The following CTIF variants were observed in gnomAD, a reference collection of about 807,000 sequenced individuals.
The protein encoded by CTIF is cap binding complex dependent translation initiation factor, also known as CBP80/20-dependent translation initiation factor.
In CTIF, 21 loss-of-function variants were observed where a neutral mutation model predicts 66.0. That is an observed-to-expected ratio of 0.32 (90% CI 0.23 to 0.46). The LOEUF (loss-of-function observed/expected upper bound fraction) is 0.46. Ranked by LOEUF, CTIF falls within the 20% of genes least tolerant of loss-of-function variation. The probability of loss-of-function intolerance (pLI) is 1.00; values close to 1 mark genes in which losing one functional copy is unlikely to be tolerated. For synonymous variants in CTIF, 345 were observed against 326.4 expected (o/e 1.06, Z -0.62); for missense variants, 739 against 812.7 (o/e 0.91, Z 1.10).
intron 7 of CTIF, among the ~76,000 whole-genome samples, chr18:48,748,605 A>C (rs887138768): frequency 5.9e-5 from 9 of 152,124 alleles, no homozygotes; most frequent in Admixed American, 3.9e-4. Flanking sequence ...AAGATAACAG[A>C]GGGGCAGAGA....
intron 3 of CTIF, among the ~76,000 whole-genome samples, chr18:48,637,365 A>G (rs569319103): frequency 1.3e-5 from 2 of 152,310 alleles, no homozygotes; most frequent in South Asian, 4.1e-4. Context: ...ATGGTGGTCC[A>G]GCTGTTCTCA....
intron 7 of CTIF, among the ~76,000 whole-genome samples, chr18:48,754,690 G>A (rs1354421991): frequency 2.6e-5 from 4 of 152,232 alleles, no homozygotes; most frequent in Non-Finnish European, 1.5e-5. Flanking sequence ...TCCCACCTAC[G>A]GATGGCTTTC....
intron 7 of CTIF, among the ~76,000 whole-genome samples, chr18:48,747,705 A>G (rs1184192246): frequency 1.3e-5 from 2 of 151,724 alleles, no homozygotes; most frequent in Admixed American, 1.3e-4. Flanking sequence ...CCAGGAGTTC[A>G]AGACCAGCAT....
chr18:48,646,447 TAAA>T (rs34735937), intron 3 of CTIF, among the ~76,000 whole-genome samples: 1 of 149,020 alleles, frequency 6.7e-6, no homozygotes, highest in African/African-American at 2.5e-5. Context: ...TTGGCAGCAT[TAAA>T]AAAAAAAAAG....
chr18:48,831,802 A>G (rs963819524), intron 10 of CTIF, among the ~76,000 whole-genome samples: 12 of 152,220 alleles, frequency 7.9e-5, no homozygotes, highest in African/African-American at 2.7e-4. Context: ...AAAAAGTACC[A>G]ATGAGATATT....
At chr18:48,815,334 T>A (rs554693289) in intron 9 of CTIF, among the ~76,000 whole-genome samples, 87 of 152,284 alleles carry the variant, frequency 5.7e-4, no homozygotes, top group African/African-American at 2.1e-3. Context: ...TGGCTCATAG[T>A]CATGGGCAAG....
intron 9 of CTIF, among the ~76,000 whole-genome samples, chr18:48,778,171 T>C (rs1367380948): frequency 1.3e-5 from 2 of 152,050 alleles, no homozygotes; most frequent in African/African-American, 4.8e-5. Context: ...AAAAAATGTC[T>C]GTGCACAGCA....
At chr18:48,579,035 G>C (rs377032708) in intron 1 of CTIF, among the ~76,000 whole-genome samples, 3 of 151,834 alleles carry the variant, frequency 2.0e-5, no homozygotes, top group South Asian at 2.1e-4. Context: ...TTGTGAGCTA[G>C]AGGTTCAGCT....
At chr18:48,820,420 C>G (rs934401929) in intron 10 of CTIF, among the ~76,000 whole-genome samples, 7 of 152,152 alleles carry the variant, frequency 4.6e-5, no homozygotes, top group Non-Finnish European at 1.0e-4. Context: ...AAAGCTTAGG[C>G]TTTCCCCCTG....
intron 1 of CTIF, among the ~76,000 whole-genome samples, chr18:48,549,180 G>C (rs1310022604): frequency 6.6e-6 from 1 of 152,158 alleles, no homozygotes. Context: ...GGAGGTGCTC[G>C]TGCACAAGAG....
intron 3 of CTIF, among the ~76,000 whole-genome samples, chr18:48,654,565 G>T (rs1393625855): frequency 6.6e-6 from 1 of 152,214 alleles, no homozygotes; most frequent in Non-Finnish European, 1.5e-5. Context: ...AGACAGTGTG[G>T]TGATTCCTCA....
chr18:48,564,427 G>A (rs2089235310), intron 1 of CTIF, among the ~76,000 whole-genome samples: 2 of 152,154 alleles, frequency 1.3e-5, no homozygotes, highest in South Asian at 4.1e-4. Context: ...CCTCTGTGAA[G>A]GTCCCCAAAG....
intron 7 of CTIF, among the ~76,000 whole-genome samples, chr18:48,736,392 C>T (rs565462501): frequency 6.6e-6 from 1 of 152,314 alleles, no homozygotes; most frequent in African/African-American, 2.4e-5. Context: ...CCCCTTCTTC[C>T]TCCAGCTGCA....
intron 1 of CTIF, among the ~76,000 whole-genome samples, chr18:48,585,228 T>A (rs747139201): frequency 6.6e-6 from 1 of 152,260 alleles, no homozygotes; most frequent in Non-Finnish European, 1.5e-5. Flanking sequence ...TTAACACCAT[T>A]TGAAGATCGT....
At chr18:48,720,101 C>A (rs188529306) in intron 7 of CTIF, among the ~76,000 whole-genome samples, 6 of 152,306 alleles carry the variant, frequency 3.9e-5, no homozygotes, top group Admixed American at 3.9e-4. Context: ...GTATTTGCAG[C>A]AACTTTATGG....
chr18:48,763,901 G>C (rs1598998690), intron 9 of CTIF, among the ~76,000 whole-genome samples: 2 of 152,072 alleles, frequency 1.3e-5, no homozygotes, highest in Admixed American at 1.3e-4. Flanking sequence ...CCATATAGTG[G>C]CTCCATAGTA....
chr18:48,853,244 A>AT (rs1260859369), intron 10 of CTIF, among the ~76,000 whole-genome samples: 1 of 152,040 alleles, frequency 6.6e-6, no homozygotes, highest in African/African-American at 2.4e-5. Flanking sequence ...AGTATATAAT[A>AT]TGTCAGGGGC....
chr18:48,561,852 T>C (rs768023952), intron 1 of CTIF, among the ~76,000 whole-genome samples: 1 of 152,188 alleles, frequency 6.6e-6, no homozygotes, highest in Non-Finnish European at 1.5e-5. Flanking sequence ...AAATAGGGAA[T>C]TTGGTCTAGG....
chr18:48,603,379 A>ATGGATGGATGGATGGT lies in CTIF; in HGVS notation c.-28-16144_-28-16143insTTGGATGGATGGATGG, dbSNP rs1459941539. ...GCTAGATAGGTGGGTAGATGGATGGATGGATGGATGGATGGATATGTGAAT... is the reference window on the plus strand; with the variant it reads ...GCTAGATAGGTGGGTAGATGGATGGATGGATGGATGGATGGTTGGATGGATGGATGGATATGTGAAT... On this transcript the variant is annotated intron_variant, in intron 1 of 11. Coordinates refer to ENST00000256413, the MANE Select transcript of CTIF (RefSeq NM_014772.3). 2.1e-5 allele frequency among the ~76,000 whole-genome samples: 3 copies of ATGGATGGATGGATGGT among 146,336 alleles called. 1 individual carries two copies. The highest frequency in any genetic ancestry group is 7.7e-5 in the African/African-American group (3 of 39,190).
Sources: gnomAD v4.1 joint callset for allele counts (sites outside exome capture counted in the v4.1 genomes callset) on GRCh38, gnomAD v4.1.1 for gene constraint, MANE v1.5 for transcripts, NCBI Gene and HGNC (gene_info 2026-07-23, HGNC 2026-07-21) for gene names.